The following IQCJ variants were observed in gnomAD, a reference collection of about 807,000 sequenced individuals.
The protein encoded by IQCJ is IQ motif containing J.
Under a neutral mutation model 11.0 loss-of-function variants are expected in IQCJ, and 9 were observed. The observed-to-expected ratio is 0.82, with a 90% CI of 0.49 to 1.43. The LOEUF is 1.43. Among genes scored for constraint, IQCJ ranks in the 40% most tolerant of loss-of-function variants. The probability of loss-of-function intolerance (pLI) is 0.00; values close to 1 mark genes in which losing one functional copy is unlikely to be tolerated. For missense variants in IQCJ, 146 were observed against 133.2 expected (o/e 1.10, Z -0.47); for synonymous variants, 55 against 51.3 (o/e 1.07, Z -0.31).
At chr3:159,082,928 C>A (rs1327851967) in intron 1 of IQCJ, among the ~76,000 whole-genome samples, 1 of 152,188 alleles carries the variant, frequency 6.6e-6, no homozygotes, top group South Asian at 2.1e-4. Context: ...AGCAAGAACA[C>A]GAACCTCGAC....
chr3:159,154,315 G>T (rs1577045610), intron 1 of IQCJ, among the ~76,000 whole-genome samples: 1 of 152,226 alleles, frequency 6.6e-6, no homozygotes, highest in East Asian at 1.9e-4. Flanking sequence ...AATGATGAAG[G>T]CCCAATCCAT....
chr3:159,150,179 C>T (rs1184003351), intron 1 of IQCJ, among the ~76,000 whole-genome samples: 1 of 152,114 alleles, frequency 6.6e-6, no homozygotes, highest in Non-Finnish European at 1.5e-5. Flanking sequence ...TGCAAGTAGT[C>T]TCTTGGAAAG....
At chr3:159,172,771 G>A (rs998853125) in intron 1 of IQCJ, among the ~76,000 whole-genome samples, 3 of 150,934 alleles carry the variant, frequency 2.0e-5, no homozygotes, top group Admixed American at 6.6e-5. Flanking sequence ...AAAGGCGGGC[G>A]GGGGGGTGGG....
chr3:159,256,444 C>G (rs187422131), intron 3 of IQCJ, among the ~76,000 whole-genome samples: 173 of 152,210 alleles, frequency 1.1e-3, no homozygotes, highest in African/African-American at 4.0e-3. Flanking sequence ...TATTAAATTG[C>G]ATTTGAGAGT....
chr3:159,114,983 A>G (rs1718878341), intron 1 of IQCJ, among the ~76,000 whole-genome samples: 1 of 152,160 alleles, frequency 6.6e-6, no homozygotes. Flanking sequence ...TAGCACATCA[A>G]ATCTGGAATA....
intron 1 of IQCJ, among the ~76,000 whole-genome samples, chr3:159,243,596 C>A (rs918963936): frequency 3.9e-5 from 6 of 152,060 alleles, no homozygotes; most frequent in Non-Finnish European, 8.8e-5. Context: ...AACAGGGGTG[C>A]CTTTGGGAGA....
intron 1 of IQCJ, among the ~76,000 whole-genome samples, chr3:159,225,978 A>G (rs938065629): frequency 2.9e-4 from 44 of 152,208 alleles, no homozygotes; most frequent in African/African-American, 1.0e-3. Context: ...GGTTTGCTAT[A>G]AAGAACACAA....
At chr3:159,214,651 C>T (rs1725127541) in intron 1 of IQCJ, among the ~76,000 whole-genome samples, 1 of 152,194 alleles carries the variant, frequency 6.6e-6, no homozygotes, top group African/African-American at 2.4e-5. Context: ...TTCCTTCTAG[C>T]TCCCAGCCCT....
At chr3:159,161,909 T>C (rs1721885043) in intron 1 of IQCJ, among the ~76,000 whole-genome samples, 1 of 152,232 alleles carries the variant, frequency 6.6e-6, no homozygotes, top group Admixed American at 6.5e-5. Context: ...TTGGTACCAG[T>C]ACCATGCTGT....
At chr3:159,103,499 C>T (rs756301212) in intron 1 of IQCJ, among the ~76,000 whole-genome samples, 11 of 152,222 alleles carry the variant, frequency 7.2e-5, no homozygotes, top group African/African-American at 2.2e-4. Flanking sequence ...ATTTTAGGAT[C>T]GACATTCTGC....
At chr3:159,198,912 G>A (rs1233712255) in intron 1 of IQCJ, among the ~76,000 whole-genome samples, 1 of 152,220 alleles carries the variant, frequency 6.6e-6, no homozygotes, top group Admixed American at 6.5e-5. Flanking sequence ...TCCAACTCAT[G>A]ATCTTCTCTT....
rs558170138 is a variant in IQCJ, at chr3:159,152,024, T to C, written c.9+82583T>C. Among the ~76,000 whole-genome samples the C allele has an allele frequency of 4.6e-5, 7 of 152,298 alleles. No individual in the cohort carries two copies. In the South Asian group the frequency reaches 1.5e-3, roughly 32 times the overall value. ...CCACTACCCTTCCCAGCCAGATACC[T>C]AATTTCTAGGTTTGTGATCCATGCT... is the stretch of plus-strand genomic sequence containing the variant. On this transcript the variant is annotated intron_variant, in intron 1 of 3. Coordinates refer to ENST00000397832, the MANE Select transcript of IQCJ (RefSeq NM_001042706.3).
chr3:159,148,240 TCA>T (rs1225806754), intron 1 of IQCJ, among the ~76,000 whole-genome samples: 1 of 152,246 alleles, frequency 6.6e-6, no homozygotes, highest in Non-Finnish European at 1.5e-5. Context: ...GCTAGGAATC[TCA>T]CAGCCAAATT....
intron 2 of IQCJ, among the ~76,000 whole-genome samples, chr3:159,248,883 G>T (rs1188821062): frequency 2.0e-5 from 3 of 151,180 alleles, no homozygotes; most frequent in South Asian, 2.1e-4. Context: ...TTGAGATGGG[G>T]TCTTGCTCTG....
In IQCJ at chr3:159,102,798, G is replaced by T. The variant is rs150202475; in HGVS notation, c.9+33357G>T. Among the ~76,000 whole-genome samples, 187 of 152,264 alleles carry T rather than the reference G, an allele frequency of 1.2e-3. 1 individual carries two copies. Among genetic ancestry groups the T allele is most frequent in the African/African-American group, 4.3e-3 (178 of 41,554 alleles). On this transcript the variant is annotated intron_variant, in intron 1 of 3. Coordinates refer to ENST00000397832, the MANE Select transcript of IQCJ (RefSeq NM_001042706.3). ...TATTGTGCTTTCTTCTCTTCATTTT[G>T]TATGAGGAATTAAAATTCCTGGTGA...
At chr3:159,192,332 T>C (rs1723738560) in intron 1 of IQCJ, among the ~76,000 whole-genome samples, 1 of 152,188 alleles carries the variant, frequency 6.6e-6, no homozygotes, top group South Asian at 2.1e-4. Context: ...TTTCTTGTGT[T>C]CATTACATAC....
At chr3:159,242,384 T>C (rs562528537) in intron 1 of IQCJ, among the ~76,000 whole-genome samples, 19 of 152,262 alleles carry the variant, frequency 1.2e-4, no homozygotes, top group Middle Eastern at 3.4e-3. Context: ...TAGATCAGAG[T>C]TGAAGCAGCA....
intron 1 of IQCJ, among the ~76,000 whole-genome samples, chr3:159,083,753 A>G (rs1716496135): frequency 6.6e-6 from 1 of 152,192 alleles, no homozygotes; most frequent in African/African-American, 2.4e-5. Flanking sequence ...GTGGTGTGTC[A>G]TAAACTGGAA....
chr3:159,200,628 ATTGT>A (rs1410795891), intron 1 of IQCJ, among the ~76,000 whole-genome samples: 8 of 152,134 alleles, frequency 5.3e-5, no homozygotes, highest in Non-Finnish European at 1.2e-4. Context: ...AAGTAATCTG[ATTGT>A]TTGGTCCTTG....
Sources: allele counts gnomAD v4.1 joint callset (sites outside exome capture counted in the v4.1 genomes callset), GRCh38; gene constraint gnomAD v4.1.1; transcripts MANE v1.5; gene names NCBI Gene and HGNC (gene_info 2026-07-23, HGNC 2026-07-21).